TLN2: variants seen among roughly 807,000 people sequenced by gnomAD.
The protein encoded by TLN2 is talin 2.
Under a neutral mutation model 294.7 loss-of-function variants are expected in TLN2, and 118 were observed. The ratio of observed to expected loss-of-function variants is 0.40; its 90% CI spans 0.34 to 0.47. TLN2 has a LOEUF of 0.47. Ranked by LOEUF, TLN2 falls within the 20% of genes least tolerant of loss-of-function variation. TLN2 has a pLI of 0.84. For synonymous variants in TLN2, 1,431 were observed against 1,304.5 expected, an observed-to-expected ratio of 1.10 and a Z score of -2.09; for missense variants, 3,083 against 3,282.2, an observed-to-expected ratio of 0.94 and a Z score of 1.48.
chr15:62,629,894 A>G (rs2049622926), intron 3 of TLN2, among the ~76,000 whole-genome samples: 1 of 152,220 alleles, frequency 6.6e-6, no homozygotes, highest in African/African-American at 2.4e-5. Flanking sequence ...AAAATCCCTT[A>G]GAAAATACAT....
chr15:62,462,957 A>G (rs992925768), intron 1 of TLN2, among the ~76,000 whole-genome samples: 1 of 152,216 alleles, frequency 6.6e-6, no homozygotes, highest in Non-Finnish European at 1.5e-5. Context: ...CACTAAGGAC[A>G]GCGCCAAACT....
At chr15:62,555,466 C>G (rs994201552) in intron 1 of TLN2, among the ~76,000 whole-genome samples, 2 of 152,136 alleles carry the variant, frequency 1.3e-5, no homozygotes, top group African/African-American at 4.8e-5. Flanking sequence ...CTCAGAAGAT[C>G]CTTTGTAAAT....
chr15:62,464,723 T>C (rs1357885708), intron 1 of TLN2, among the ~76,000 whole-genome samples: 1 of 152,202 alleles, frequency 6.6e-6, no homozygotes, highest in Non-Finnish European at 1.5e-5. Context: ...ACTTTTATTC[T>C]TGTTCATGTT....
chr15:62,429,899 C>G (rs114202454), intron 1 of TLN2, among the ~76,000 whole-genome samples: 1,542 of 152,260 alleles, frequency 0.01, 24 homozygotes, highest in African/African-American at 0.035. Context: ...TCCTTTCAGC[C>G]TGTACGTGAC....
rs556007902 is a variant in TLN2 at position 62,557,964 on chromosome 15, C to G, written c.-237-31723C>G. Among the ~76,000 whole-genome samples, 19 of 152,342 alleles carry G rather than the reference C, an allele frequency of 1.2e-4. 1 individual carries two copies. In the South Asian group the frequency reaches 3.9e-3, roughly 32 times the overall value. ...GGAGCCCTGTGTTCTGCAGAGACGC[C>G]TCAGTGGACTGCAGGGTTGTACAGC... On this transcript the variant is annotated intron_variant, in intron 1 of 58. Coordinates refer to ENST00000636159, the MANE Select transcript of TLN2 (RefSeq NM_015059.3).
At chr15:62,391,078 G>A (rs541629953) in intron 1 of TLN2, among the ~76,000 whole-genome samples, 4 of 152,314 alleles carry the variant, frequency 2.6e-5, no homozygotes, top group Admixed American at 6.5e-5. Context: ...AAGCGGCCCC[G>A]CCTGCATAGA....
chr15:62,782,437 C>T (rs1483738057), intron 44 of TLN2, among the ~76,000 whole-genome samples: 1 of 152,224 alleles, frequency 6.6e-6, no homozygotes, highest in African/African-American at 2.4e-5. Context: ...AGTGCAGCAG[C>T]AGTCATGTTT....
At chr15:62,750,813 T>G (rs1422881100) in intron 34 of TLN2, among the ~76,000 whole-genome samples, 1 of 152,144 alleles carries the variant, frequency 6.6e-6, no homozygotes, top group Non-Finnish European at 1.5e-5. Flanking sequence ...TGAGAACCAT[T>G]TCCTCTCTTT....
At chr15:62,497,885 G>T (rs774386047) in intron 1 of TLN2, among the ~76,000 whole-genome samples, 2 of 151,960 alleles carry the variant, frequency 1.3e-5, no homozygotes, top group African/African-American at 4.8e-5. Context: ...CTGACCAAGC[G>T]TGGACAGTTT....
intron 1 of TLN2, among the ~76,000 whole-genome samples, chr15:62,584,105 C>T (rs2045383184): frequency 1.3e-5 from 2 of 152,170 alleles, no homozygotes; most frequent in Admixed American, 6.5e-5. Flanking sequence ...CAATTATTTA[C>T]ATAAAAGAAC....
intron 1 of TLN2, among the ~76,000 whole-genome samples, chr15:62,514,725 A>G (rs537626090): frequency 7.2e-5 from 11 of 152,348 alleles, no homozygotes; most frequent in African/African-American, 2.6e-4. Flanking sequence ...GGTAAATTGC[A>G]TTTAATCTCT....
intron 3 of TLN2, among the ~76,000 whole-genome samples, chr15:62,639,408 G>A (rs1195230201): frequency 2.6e-5 from 4 of 152,206 alleles, no homozygotes; most frequent in Non-Finnish European, 5.9e-5. Context: ...CTGCTGCTAA[G>A]TTCACACTTG....
intron 1 of TLN2, among the ~76,000 whole-genome samples, chr15:62,505,835 CGGACGG>C (rs902575849): frequency 5.3e-5 from 8 of 152,018 alleles, no homozygotes; most frequent in African/African-American, 1.4e-4. Flanking sequence ...TGATGGGGGG[CGGACGG>C]GGAAGGGGAA....
intron 1 of TLN2, among the ~76,000 whole-genome samples, chr15:62,415,850 G>T (rs1012916627): frequency 6.6e-6 from 1 of 152,220 alleles, no homozygotes; most frequent in African/African-American, 2.4e-5. Flanking sequence ...GTTGTGGGGG[G>T]TAGCCCTCCA....
At chr15:62,793,899 T>A (rs1223031986) in intron 46 of TLN2, among the ~76,000 whole-genome samples, 1 of 145,974 alleles carries the variant, frequency 6.9e-6, no homozygotes, top group East Asian at 2.2e-4. Context: ...CAGAGGCTGC[T>A]CTGTCCGTGG....
At chr15:62,752,721 T>C (rs2062004873) in intron 35 of TLN2, among the ~76,000 whole-genome samples, 1 of 152,218 alleles carries the variant, frequency 6.6e-6, no homozygotes, top group Admixed American at 6.5e-5. Context: ...ATGAGTTGTT[T>C]GGGGTAGAAA....
intron 1 of TLN2, among the ~76,000 whole-genome samples, chr15:62,490,085 A>G (rs1312889477): frequency 6.6e-6 from 1 of 152,190 alleles, no homozygotes; most frequent in African/African-American, 2.4e-5. Flanking sequence ...CAGACCTTAG[A>G]TCTTCAGCAG....
intron 34 of TLN2, 54 bp downstream of exon 34, chr15:62,750,545 A>G (rs1325473686): frequency 1.3e-6 from 2 of 1,500,036 alleles, no homozygotes; most frequent in South Asian, 1.1e-5. Flanking sequence ...CAATGTGGGG[A>G]GAAGTTTAGA....
intron 1 of TLN2, among the ~76,000 whole-genome samples, chr15:62,444,863 G>A (rs2035738263): frequency 6.6e-6 from 1 of 152,368 alleles, no homozygotes; most frequent in South Asian, 2.1e-4. Context: ...ACAAAGGCAT[G>A]TGGGGTTGTG....
Sources: allele counts gnomAD v4.1 joint callset (sites outside exome capture counted in the v4.1 genomes callset), GRCh38; gene constraint gnomAD v4.1.1; transcripts MANE v1.5; gene names NCBI Gene and HGNC (gene_info 2026-07-23, HGNC 2026-07-21).